Variants in CCDC7 observed in about 807,000 individuals in gnomAD.
The protein encoded by CCDC7 is coiled-coil domain-containing protein 7.
Under a neutral mutation model 196.9 loss-of-function variants are expected in CCDC7, and 183 were observed. That is an observed-to-expected ratio of 0.93 (90% CI 0.82 to 1.05). CCDC7 has a LOEUF of 1.05. Among genes scored for constraint, CCDC7 ranks in the 50% least tolerant of loss-of-function variants. The probability of loss-of-function intolerance (pLI) is 0.00; values close to 1 mark genes in which losing one functional copy is unlikely to be tolerated. For synonymous variants in CCDC7, 525 were observed against 484.6 expected (o/e 1.08, Z -1.10); for missense variants, 1,540 against 1,482.2 (o/e 1.04, Z -0.64).
At chr10:32,573,914 G>A (rs555643789) in intron 16 of CCDC7, among the ~76,000 whole-genome samples, 9 of 152,280 alleles carry the variant, frequency 5.9e-5, no homozygotes, top group African/African-American at 1.9e-4. Flanking sequence ...TGCATTAACA[G>A]TCTAGTAGGG....
intron 9 of CCDC7, among the ~76,000 whole-genome samples, chr10:32,495,430 A>G (rs892447838): frequency 5.9e-5 from 9 of 152,040 alleles, no homozygotes; most frequent in African/African-American, 1.9e-4. Flanking sequence ...TTCTGTTGCC[A>G]TTGTTTTTGG....
At chr10:32,526,974 A>G (rs2048773102) in intron 11 of CCDC7, among the ~76,000 whole-genome samples, 1 of 152,018 alleles carries the variant, frequency 6.6e-6, no homozygotes. Flanking sequence ...TAGCCCTACA[A>G]ATAGTCTAGA....
chr10:32,475,530 T>A (rs1821182171), intron 8 of CCDC7, among the ~76,000 whole-genome samples: 2 of 152,252 alleles, frequency 1.3e-5, no homozygotes, highest in African/African-American at 2.4e-5. Context: ...AAAATATAGT[T>A]GAGATTTTGC....
intron 13 of CCDC7, among the ~76,000 whole-genome samples, chr10:32,550,051 G>A (rs1320632130): frequency 1.3e-5 from 2 of 151,982 alleles, no homozygotes; most frequent in Non-Finnish European, 2.9e-5. Flanking sequence ...ATGAGCATGG[G>A]ATGTGTTTCC....
chr10:32,837,443 G>A (rs1034477841), intron 33 of CCDC7, among the ~76,000 whole-genome samples: 1 of 152,154 alleles, frequency 6.6e-6, no homozygotes, highest in Non-Finnish European at 1.5e-5. Context: ...TGGAGAGGAT[G>A]TGGAGAAATA....
intron 25 of CCDC7, among the ~76,000 whole-genome samples, chr10:32,711,986 T>C (rs2080920172): frequency 6.6e-6 from 1 of 152,186 alleles, no homozygotes. Context: ...CCAATAATTG[T>C]CTCACAAAAG....
chr10:32,831,058 A>C (rs2092110596), intron 32 of CCDC7, among the ~76,000 whole-genome samples: 2 of 152,188 alleles, frequency 1.3e-5, no homozygotes, highest in Non-Finnish European at 2.9e-5. Flanking sequence ...GTATACTTAC[A>C]CAAACCTAGG....
chr10:32,529,012 T>C (rs2049199539), intron 11 of CCDC7, among the ~76,000 whole-genome samples: 1 of 151,884 alleles, frequency 6.6e-6, no homozygotes. Context: ...ATTTTTATTT[T>C]ATTTTATTTT....
chr10:32,846,362 GT>G lies in CCDC7; in HGVS notation c.3605-11del. ...TACCTTATAAAGTATTTTGAAATCTGTTTAATTCTATAGAGACTGATAAAGA... is the reference window on the plus strand; with the variant it reads ...TACCTTATAAAGTATTTTGAAATCTGTTAATTCTATAGAGACTGATAAAGA... On this transcript the variant is annotated splice_polypyrimidine_tract_variant and intron_variant, in intron 36 of 41. Transcript: ENST00000639629. The G allele has an allele frequency of 3.5e-6, 5 of 1,445,884 alleles. No homozygotes were observed. The highest frequency in any genetic ancestry group is 4.8e-6 in the Non-Finnish European group (5 of 1,038,390). The allele number at this position is 1,445,884 out of a possible 1,614,324, so 89.6% of individuals were successfully genotyped here. A position where few individuals can be genotyped will look rare whatever the true frequency, so the allele number is the denominator to read the frequency against.
intron 9 of CCDC7, chr10:32,512,273 A>ATG (rs1366143300): frequency 6.5e-6 from 1 of 153,750 alleles, no homozygotes; most frequent in Non-Finnish European, 1.4e-5. Flanking sequence ...TACCTGAATC[A>ATG]TGTGGTCTGG....
Position 32,642,163 on chromosome 10 carries a change from ACT to A in CCDC7, c.2014+7010_2014+7011del, listed in dbSNP as rs757483137. Reference sequence around the variant, plus strand: ...CAAACTCCATGCTGGGAGAACCACTACTCTCTTCAAAGCTGTCAGACAGGGAC... The same window carrying A: ...CAAACTCCATGCTGGGAGAACCACTACTCTTCAAAGCTGTCAGACAGGGAC... On this transcript the variant is annotated intron_variant, in intron 20 of 41. Coordinates refer to ENST00000639629, the Ensembl canonical transcript of CCDC7. 1.2e-4 allele frequency among the ~76,000 whole-genome samples: 18 copies of A among 152,006 alleles called. 1 individual carries two copies. Among genetic ancestry groups the A allele is most frequent in the Admixed American group, 3.3e-4 (5 of 15,274 alleles).
intron 2 of CCDC7, among the ~76,000 whole-genome samples, chr10:32,454,707 C>T (rs1484024807): frequency 1.3e-5 from 2 of 152,072 alleles, no homozygotes; most frequent in Non-Finnish European, 2.9e-5. Flanking sequence ...TTCTTTCCTC[C>T]AATGATCTTG....
chr10:32,461,731 G>GTATATATATATATATATATATGTA (rs61624157), intron 3 of CCDC7, among the ~76,000 whole-genome samples: 2 of 33,044 alleles, frequency 6.1e-5, no homozygotes, highest in African/African-American at 1.4e-4. Context: ...ATATATATAT[G>GTATATATATATATATATATATGTA]TATATATATA....
intron 32 of CCDC7, among the ~76,000 whole-genome samples, chr10:32,832,485 A>G (rs946644937): frequency 6.6e-6 from 1 of 152,128 alleles, no homozygotes; most frequent in Non-Finnish European, 1.5e-5. Context: ...CTTGGGGGAA[A>G]AAAAACCCAA....
intron 28 of CCDC7, among the ~76,000 whole-genome samples, chr10:32,758,111 G>A (rs890783393): frequency 9.2e-5 from 14 of 152,058 alleles, no homozygotes; most frequent in African/African-American, 2.9e-4. Flanking sequence ...ATAATTAATA[G>A]CCTACCAACC....
In CCDC7 at chr10:32,726,789, G is replaced by T. The variant is rs752796405; in HGVS notation, c.2625G>T (p.Met875Ile). 9 of 1,602,278 alleles carry T rather than the reference G, an allele frequency of 5.6e-6. No homozygotes were observed. The African/African-American group carries it at 1.1e-4, about 19-fold the overall frequency. ...AAGATTCAGTGTCAAAACTCCAAATGCAAGAAAAGAAAAAAATAACTCCTG... is the reference window on the plus strand; with the variant it reads ...AAGATTCAGTGTCAAAACTCCAAATTCAAGAAAAGAAAAAAATAACTCCTG... Residue 875 changes from methionine (M) to isoleucine (I), a missense_variant, in exon 26 of 42, where the codon ATG (methionine) becomes ATT (isoleucine). Transcript: ENST00000639629.
intron 37 of CCDC7, among the ~76,000 whole-genome samples, 187 bp downstream of exon 38, chr10:32,846,646 T>A (rs902367860): frequency 9.9e-5 from 15 of 152,218 alleles, no homozygotes; most frequent in African/African-American, 3.6e-4. Context: ...TTATTGGTTT[T>A]AAAACTCATC....
intron 28 of CCDC7, among the ~76,000 whole-genome samples, chr10:32,759,684 G>A (rs1371475033): frequency 2.6e-5 from 4 of 152,256 alleles, no homozygotes; most frequent in Middle Eastern, 3.4e-3. Context: ...ATAGGCATGG[G>A]CAAGGACTTC....
At chr10:32,624,684 T>G (rs1263331493) in intron 18 of CCDC7, among the ~76,000 whole-genome samples, 2 of 152,110 alleles carry the variant, frequency 1.3e-5, no homozygotes, top group Non-Finnish European at 2.9e-5. Context: ...GAGTCCTCCA[T>G]TGCATCTTCC....
Sources: gnomAD v4.1 joint callset for allele counts (sites outside exome capture counted in the v4.1 genomes callset) on GRCh38, gnomAD v4.1.1 for gene constraint, MANE v1.5 for transcripts, NCBI Gene and HGNC (gene_info 2026-07-23, HGNC 2026-07-21) for gene names.